The following STPG4 variants were observed in gnomAD, a reference collection of about 807,000 sequenced individuals.
STPG4 encodes the protein sperm-tail PG-rich repeat containing 4.
A neutral mutation model predicts 31.5 loss-of-function variants in STPG4; 41 were observed. That is an observed-to-expected ratio of 1.30 (90% CI 1.01 to 1.69). The LOEUF is 1.69. Ranked by LOEUF, STPG4 falls within the 40% of genes most tolerant of loss-of-function variation. The probability of loss-of-function intolerance (pLI) is 0.00; values close to 1 mark genes in which losing one functional copy is unlikely to be tolerated. For synonymous variants in STPG4, 141 were observed against 103.0 expected (o/e 1.37, Z -2.24); for missense variants, 375 against 293.4 (o/e 1.28, Z -2.03).
intron 3 of STPG4, among the ~76,000 whole-genome samples, chr2:47,147,946 A>T (rs1686858512): frequency 7.3e-6 from 1 of 136,966 alleles, no homozygotes; most frequent in African/African-American, 2.7e-5. Flanking sequence ...AAATATGTAT[A>T]TACATATTCC....
At chr2:47,112,236 C>T (rs545724105) in intron 5 of STPG4, among the ~76,000 whole-genome samples, 55 of 152,150 alleles carry the variant, frequency 3.6e-4, no homozygotes, top group Non-Finnish European at 5.6e-4. Context: ...GCATGATCTC[C>T]GCTCACTGCA....
At chr2:47,115,438 A>G (rs181944620) in intron 5 of STPG4, among the ~76,000 whole-genome samples, 3 of 152,100 alleles carry the variant, frequency 2.0e-5, no homozygotes, top group African/African-American at 7.2e-5. Flanking sequence ...AATTTTTATG[A>G]GTTTTTGCAT....
intron 5 of STPG4, among the ~76,000 whole-genome samples, chr2:47,102,496 C>T (rs1685821308): frequency 6.6e-6 from 1 of 151,804 alleles, no homozygotes; most frequent in Non-Finnish European, 1.5e-5. Context: ...GCAGCTTGAC[C>T]TTTTCTGTAA....
chr2:47,094,802 C>G (rs899960621), intron 5 of STPG4, among the ~76,000 whole-genome samples: 2 of 152,192 alleles, frequency 1.3e-5, no homozygotes, highest in African/African-American at 4.8e-5. Flanking sequence ...CTGGAGAGCT[C>G]CTAGGTCTCT....
intron 5 of STPG4, among the ~76,000 whole-genome samples, chr2:47,111,772 A>G (rs1361655168): frequency 6.6e-6 from 1 of 152,192 alleles, no homozygotes; most frequent in Non-Finnish European, 1.5e-5. Flanking sequence ...TCCTATGGAC[A>G]AAAAAATGAT....
chr2:47,125,169 C>A (rs1220098327), intron 5 of STPG4, among the ~76,000 whole-genome samples: 1 of 152,034 alleles, frequency 6.6e-6, no homozygotes, highest in Admixed American at 6.6e-5. Context: ...GCCTGTAATT[C>A]CAGCACTTTG....
chr2:47,110,955 T>A (rs1158583528), intron 5 of STPG4, among the ~76,000 whole-genome samples: 2 of 152,204 alleles, frequency 1.3e-5, no homozygotes, highest in Admixed American at 6.5e-5. Context: ...TTATACCTTT[T>A]AAAAAAATTA....
chr2:47,128,004 G>A (rs7596776), intron 5 of STPG4, among the ~76,000 whole-genome samples: 65,051 of 152,000 alleles, frequency 0.43, 16,373 homozygotes, highest in East Asian at 0.74. Context: ...TATTCAAAGG[G>A]AATTAAGTGC....
At chr2:47,096,244 G>A (rs1685666767) in intron 5 of STPG4, among the ~76,000 whole-genome samples, 1 of 152,104 alleles carries the variant, frequency 6.6e-6, no homozygotes, top group Non-Finnish European at 1.5e-5. Context: ...TCACACAAAG[G>A]GATGTATAGG....
At chr2:47,151,716 A>T (rs2454081) in intron 2 of STPG4, among the ~76,000 whole-genome samples, 131,758 of 152,074 alleles carry the variant, frequency 0.87, 57,149 homozygotes, top group South Asian at 0.92. Context: ...TGCTGAATTA[A>T]AGCAAACGGG....
At chr2:47,118,346 A>T (rs937248319) in intron 5 of STPG4, among the ~76,000 whole-genome samples, 36 of 145,522 alleles carry the variant, frequency 2.5e-4, no homozygotes, top group African/African-American at 8.9e-4. Context: ...ATGCCTGATG[A>T]TCTGTCACTG....
chr2:47,102,276 T>C (rs1376352236), intron 5 of STPG4, among the ~76,000 whole-genome samples: 1 of 151,814 alleles, frequency 6.6e-6, no homozygotes, highest in African/African-American at 2.4e-5. Context: ...AAACCAAAAC[T>C]GCGGGCGGTT....
chr2:47,123,619 G>C (rs1686314630), intron 5 of STPG4, among the ~76,000 whole-genome samples: 1 of 152,180 alleles, frequency 6.6e-6, no homozygotes, highest in Non-Finnish European at 1.5e-5. Flanking sequence ...CCTAAAGAAA[G>C]TAAAGGAGCC....
chr2:47,136,621 T>C (rs1558685379), intron 3 of STPG4, among the ~76,000 whole-genome samples: 1 of 152,210 alleles, frequency 6.6e-6, no homozygotes. Flanking sequence ...ATGCAAATAA[T>C]CCTTCTATCA....
In STPG4 at chr2:47,151,390, G is replaced by C; in HGVS notation, c.267C>G (p.Asn89Lys). ...GRKKPPLVQR[N>K]NPVLNDLPQY... ...GCGGAAGATCATTTAGGACTGGATT[G>C]TTTCTTTGCACAAGAGGTGGCTTTT... is the stretch of plus-strand genomic sequence containing the variant. The change falls in exon 3 of 7, where the codon AAC (asparagine) becomes AAG (lysine). Residue 89 changes from asparagine (N) to lysine (K), a missense_variant. By Grantham distance (94) the Asn-to-Lys change is moderately conservative. Coordinates refer to ENST00000445927, the MANE Select transcript of STPG4 (RefSeq NM_001163561.2). 4 of 1,614,216 alleles carry C rather than the reference G, an allele frequency of 2.5e-6. No individual in the cohort carries two copies. Among genetic ancestry groups the C allele is most frequent in the Non-Finnish European group, 3.4e-6 (4 of 1,180,042 alleles).
At chr2:47,151,209 G>T (rs1281120701) in intron 3 of STPG4, 49 bp downstream of exon 3, 2 of 1,600,680 alleles carry the variant, frequency 1.2e-6, no homozygotes, top group Non-Finnish European at 1.7e-6. Flanking sequence ...TTTCCTCAGG[G>T]GCTCTTAGTA....
intron 5 of STPG4, among the ~76,000 whole-genome samples, chr2:47,117,930 A>ATATATATTT (rs1491090707): frequency 6.0e-5 from 7 of 117,570 alleles, no homozygotes; most frequent in African/African-American, 2.7e-4. Flanking sequence ...ATATATATAT[A>ATATATATTT]TTTTTTTTTT....
chr2:47,138,538 C>A (rs574578292), intron 3 of STPG4, among the ~76,000 whole-genome samples: 1 of 151,746 alleles, frequency 6.6e-6, no homozygotes, highest in African/African-American at 2.4e-5. Flanking sequence ...ATTACAGGCA[C>A]CCGCCACCAT....
chr2:47,117,110 T>C (rs1380910327), intron 5 of STPG4, among the ~76,000 whole-genome samples: 1 of 152,220 alleles, frequency 6.6e-6, no homozygotes, highest in African/African-American at 2.4e-5. Flanking sequence ...CTCTTCTCCT[T>C]CCTCTACCTA....
Sources: allele counts gnomAD v4.1 joint callset (sites outside exome capture counted in the v4.1 genomes callset), GRCh38; gene constraint gnomAD v4.1.1; transcripts MANE v1.5; gene names NCBI Gene and HGNC (gene_info 2026-07-23, HGNC 2026-07-21).